The following SOX5 variants were observed in gnomAD, a reference collection of about 807,000 sequenced individuals.
The protein encoded by SOX5 is SRY-box transcription factor 5, also known as transcription factor SOX-5.
In SOX5, 9 loss-of-function variants were observed where a neutral mutation model predicts 92.0. That is an observed-to-expected ratio of 0.10 (90% CI 0.06 to 0.17). SOX5 has a LOEUF of 0.17. Ranked by LOEUF, SOX5 falls within the 10% of genes least tolerant of loss-of-function variation. The probability of loss-of-function intolerance (pLI) is 1.00; values close to 1 mark genes in which losing one functional copy is unlikely to be tolerated. For missense variants in SOX5, 642 were observed against 944.5 expected (o/e 0.68, Z 4.20); for synonymous variants, 344 against 336.3 (o/e 1.02, Z -0.25).
chr12:24,120,597 C>T (rs1247747515), intron 4 of SOX5, among the ~76,000 whole-genome samples: 1 of 152,186 alleles, frequency 6.6e-6, no homozygotes, highest in African/African-American at 2.4e-5. Flanking sequence ...ATGACACAGA[C>T]TTCAAAAATA....
At chr12:24,409,877 T>C (rs997884425) in intron 1 of SOX5, among the ~76,000 whole-genome samples, 2 of 152,240 alleles carry the variant, frequency 1.3e-5, no homozygotes, top group Non-Finnish European at 2.9e-5. Context: ...TTTCAGAGTT[T>C]ATATTCTTGA....
chr12:24,088,830 G>A (rs1216430572), intron 4 of SOX5, among the ~76,000 whole-genome samples: 1 of 151,918 alleles, frequency 6.6e-6, no homozygotes, highest in Non-Finnish European at 1.5e-5. Context: ...TTAATTAGGG[G>A]GATATTTTTC....
At chr12:24,205,641 T>G (rs1957949374) in intron 4 of SOX5, among the ~76,000 whole-genome samples, 1 of 152,320 alleles carries the variant, frequency 6.6e-6, no homozygotes, top group South Asian at 2.1e-4. Flanking sequence ...CTCTGCCTCC[T>G]GTAAGGACAG....
chr12:24,272,307 A>G (rs973653385), intron 3 of SOX5, among the ~76,000 whole-genome samples: 2 of 152,120 alleles, frequency 1.3e-5, no homozygotes, highest in African/African-American at 4.8e-5. Flanking sequence ...TTATTAACTC[A>G]TATCGTGTGC....
At chr12:23,982,644 A>C (rs1403538333) in intron 4 of SOX5, among the ~76,000 whole-genome samples, 2 of 152,068 alleles carry the variant, frequency 1.3e-5, no homozygotes, top group Non-Finnish European at 2.9e-5. Context: ...TTAAAGTAGA[A>C]TTGTCCAGTA....
chr12:24,192,742 T>C (rs1423834104), intron 4 of SOX5, among the ~76,000 whole-genome samples: 1 of 152,218 alleles, frequency 6.6e-6, no homozygotes, highest in Non-Finnish European at 1.5e-5. Context: ...TTTTTCATTC[T>C]AAATGAACTC....
In SOX5 at chr12:23,634,912, T is replaced by C. The variant is rs1394591062; in HGVS notation, c.1017+5900A>G. Reference sequence around the variant, plus strand: ...AGATGAATAATTTATTGAAAATACATTGTTAAGATTCATTCCTCATTCTTT... The same window carrying C: ...AGATGAATAATTTATTGAAAATACACTGTTAAGATTCATTCCTCATTCTTT... On this transcript the variant is annotated intron_variant, in intron 8 of 14. Transcript: ENST00000451604. Among the ~76,000 whole-genome samples the C allele has an allele frequency of 3.3e-5, 5 of 152,332 alleles. No homozygotes were observed. In the East Asian group the frequency reaches 9.6e-4, roughly 29 times the overall value.
intron 10 of SOX5, among the ~76,000 whole-genome samples, chr12:23,565,344 TA>T (rs1946889436): frequency 6.6e-6 from 1 of 152,230 alleles, no homozygotes; most frequent in Non-Finnish European, 1.5e-5. Context: ...ATGGTCTTGG[TA>T]TATGTTCATT....
At chr12:23,958,315 A>G (rs1353163135) in intron 4 of SOX5, among the ~76,000 whole-genome samples, 1 of 152,052 alleles carries the variant, frequency 6.6e-6, no homozygotes, top group Non-Finnish European at 1.5e-5. Flanking sequence ...GAATCAATAC[A>G]CTTAATGGTT....
chr12:23,678,710 A>G (rs1593210620), intron 6 of SOX5, among the ~76,000 whole-genome samples: 2 of 150,570 alleles, frequency 1.3e-5, no homozygotes. Context: ...TATAAGATAA[A>G]TATTTTCATC....
At chr12:24,549,938 A>G (rs533235224) in intron 1 of SOX5, among the ~76,000 whole-genome samples, 1 of 152,278 alleles carries the variant, frequency 6.6e-6, no homozygotes, top group African/African-American at 2.4e-5. Context: ...GAGAGGGGTG[A>G]ATATAGAAGA....
At chr12:24,082,833 T>C (rs1020244597) in intron 4 of SOX5, among the ~76,000 whole-genome samples, 2 of 152,002 alleles carry the variant, frequency 1.3e-5, no homozygotes, top group Non-Finnish European at 2.9e-5. Context: ...ACTATTAATA[T>C]ACTTTATAAA....
chr12:24,393,511 A>AT lies in SOX5; in HGVS notation c.-250-24873dup, dbSNP rs1315160552. Among the ~76,000 whole-genome samples, 1 of 152,252 alleles carries AT rather than the reference A, an allele frequency of 6.6e-6. No homozygotes were observed. Among genetic ancestry groups the AT allele is most frequent in the African/African-American group, 2.4e-5 (1 of 41,464 alleles). ...ACCACCCACCCCAAAATAAGTAGGT[A>AT]TCTGAATAATGAGATCTGTAAAATT... On this transcript the variant is annotated intron_variant, in intron 1 of 4. Coordinates refer to the SOX5 transcript ENST00000446891. This position sits in a 1 kb window ranked among gnomAD's most constrained non-coding sequence, Gnocchi z 5.0.
At position 24,275,867 on chromosome 12, in the gene SOX5, T is replaced by C. The variant is rs73284928; in HGVS notation, c.-77+1349A>G. Among the ~76,000 whole-genome samples the C allele has an allele frequency of 5.1e-3, 781 of 152,224 alleles. 2 individuals carry two copies. Among genetic ancestry groups the C allele is most frequent in the African/African-American group, 0.018 (738 of 41,576 alleles). On this transcript the variant is annotated intron_variant, in intron 3 of 4. Coordinates refer to the SOX5 transcript ENST00000446891. ...AATGTCCATCTCTCTACATTCTTGT[T>C]ATATTATTATTATTCCAAATTACTC...
Position 23,790,543 on chromosome 12 carries a change from A to ATCTCTC in SOX5, c.482-34825_482-34820dup, listed in dbSNP as rs1567782018. 8.2e-3 allele frequency among the ~76,000 whole-genome samples: 398 copies of ATCTCTC among 48,742 alleles called. 8 individuals are homozygous for ATCTCTC. Among genetic ancestry groups the ATCTCTC allele is most frequent in the African/African-American group, 0.034 (374 of 11,028 alleles). The allele number at this position is 48,742 out of a possible 152,430, so 32.0% of individuals were successfully genotyped here. On this transcript the variant is annotated intron_variant, in intron 3 of 14. Coordinates refer to ENST00000451604, the MANE Select transcript of SOX5 (RefSeq NM_006940.6). ...ACTCTCTCTCTCTCTCTCTCTCTCA[A>ATCTCTC]TCTCTCACACACACACACACACACA...
At chr12:24,506,946 GCA>G (rs1948843457) in intron 1 of SOX5, among the ~76,000 whole-genome samples, 1 of 151,454 alleles carries the variant, frequency 6.6e-6, no homozygotes, top group Admixed American at 6.6e-5. Context: ...GCCCGCCACT[GCA>G]CCCGGCTAAT....
At chr12:23,855,871 G>A (rs934158380) in intron 2 of SOX5, among the ~76,000 whole-genome samples, 5 of 151,992 alleles carry the variant, frequency 3.3e-5, no homozygotes, top group Admixed American at 6.6e-5. Flanking sequence ...GCTCTGTTAC[G>A]CCACCACACT....
At chr12:24,236,098 A>G (rs562850170) in intron 3 of SOX5, among the ~76,000 whole-genome samples, 1 of 152,274 alleles carries the variant, frequency 6.6e-6, no homozygotes, top group East Asian at 1.9e-4. Flanking sequence ...AGGCTGAGGC[A>G]GGAGAATGGC....
In SOX5 at chr12:23,622,629, A is replaced by G. The variant is rs1272357861; in HGVS notation, c.1018-18096T>C. Among the ~76,000 whole-genome samples, 8 of 152,152 alleles carry G rather than the reference A, an allele frequency of 5.3e-5. No homozygotes were observed. In the East Asian group the frequency reaches 1.3e-3, roughly 26 times the overall value. ...TAGCATTTTATCTCACATAATTGGGAAAATTTACCCATTAAAATATATCAA... is the reference window on the plus strand; with the variant it reads ...TAGCATTTTATCTCACATAATTGGGGAAATTTACCCATTAAAATATATCAA... On this transcript the variant is annotated intron_variant, in intron 8 of 14. Coordinates refer to ENST00000451604, the MANE Select transcript of SOX5 (RefSeq NM_006940.6).
Sources: allele counts gnomAD v4.1 joint callset (sites outside exome capture counted in the v4.1 genomes callset), GRCh38; gene constraint gnomAD v4.1.1; non-coding constraint Gnocchi (gnomAD v3.1); transcripts MANE v1.5; gene names NCBI Gene and HGNC (gene_info 2026-07-23, HGNC 2026-07-21).